The following NXPE2 variants were observed in gnomAD, a reference collection of about 807,000 sequenced individuals.
The protein encoded by NXPE2 is neurexophilin and PC-esterase domain family member 2, also known as NXPE family member 2.
Under a neutral mutation model 34.4 loss-of-function variants are expected in NXPE2, and 34 were observed. The ratio of observed to expected loss-of-function variants is 0.99; its 90% CI spans 0.75 to 1.31. NXPE2 has a LOEUF of 1.31. Among genes scored for constraint, NXPE2 ranks in the 40% most tolerant of loss-of-function variants. The probability of loss-of-function intolerance (pLI) is 0.00; values close to 1 mark genes in which losing one functional copy is unlikely to be tolerated. For synonymous variants in NXPE2, 235 were observed against 231.3 expected (o/e 1.02, Z -0.15); for missense variants, 649 against 672.5 (o/e 0.97, Z 0.39).
At chr11:114,498,613 A>G in the NXPE2 span, among the ~76,000 whole-genome samples, 1 of 152,142 alleles carries the variant, frequency 6.6e-6, no homozygotes, top group Non-Finnish European at 1.5e-5. Flanking sequence ...GGCTATCAAT[A>G]TGCAATAACT....
upstream of NXPE2, among the ~76,000 whole-genome samples, chr11:114,677,646 A>G (rs1950873452): frequency 6.6e-6 from 1 of 152,038 alleles, no homozygotes; most frequent in Non-Finnish European, 1.5e-5. Flanking sequence ...ATAGACATGG[A>G]GGGATATATG....
the NXPE2 span, among the ~76,000 whole-genome samples, chr11:114,551,794 G>A: frequency 6.6e-6 from 1 of 152,120 alleles, no homozygotes; most frequent in African/African-American, 2.4e-5. Context: ...CACTGTGTGA[G>A]GAAGGGGGAA....
the NXPE2 span, among the ~76,000 whole-genome samples, chr11:114,624,950 A>C: frequency 1.4e-5 from 2 of 138,022 alleles, no homozygotes; most frequent in Non-Finnish European, 3.1e-5. Flanking sequence ...TTGCCTCGTG[A>C]GTAACCACTG....
At chr11:114,791,530 A>G in the NXPE2 span, among the ~76,000 whole-genome samples, 14 of 152,322 alleles carry the variant, frequency 9.2e-5, no homozygotes, top group Non-Finnish European at 1.5e-4. Flanking sequence ...TGCCCTTTCA[A>G]GATATCAGTG....
chr11:114,593,072 A>G, the NXPE2 span, among the ~76,000 whole-genome samples: 1 of 152,146 alleles, frequency 6.6e-6, no homozygotes, highest in African/African-American at 2.4e-5. Context: ...GTATGAAAAT[A>G]CTAGAAGAAA....
chr11:114,769,187 A>G, the NXPE2 span, among the ~76,000 whole-genome samples: 1 of 152,084 alleles, frequency 6.6e-6, no homozygotes, highest in African/African-American at 2.4e-5. Flanking sequence ...CATTTATGTG[A>G]CCAACAAACA....
chr11:114,610,517 A>G, the NXPE2 span, among the ~76,000 whole-genome samples: 1 of 151,734 alleles, frequency 6.6e-6, no homozygotes, highest in Non-Finnish European at 1.5e-5. Context: ...CCTCATGTGT[A>G]ACCACTGTTA....
the NXPE2 span, among the ~76,000 whole-genome samples, chr11:114,625,828 C>A: frequency 6.6e-6 from 1 of 152,080 alleles, no homozygotes; most frequent in Non-Finnish European, 1.5e-5. Flanking sequence ...ACACCACGTG[C>A]AAGCTGAAGC....
chr11:114,626,335 G>A, the NXPE2 span, among the ~76,000 whole-genome samples: 4 of 152,312 alleles, frequency 2.6e-5, no homozygotes, highest in African/African-American at 9.6e-5. Flanking sequence ...ATCTGAGAAT[G>A]GGCAGACTGC....
chr11:114,634,037 C>T, the NXPE2 span, among the ~76,000 whole-genome samples: 2 of 151,886 alleles, frequency 1.3e-5, no homozygotes, highest in Non-Finnish European at 2.9e-5. Context: ...GGATTCGCCA[C>T]ACTGACTTCC....
At chr11:114,667,451 T>G in the NXPE2 span, among the ~76,000 whole-genome samples, 3 of 152,064 alleles carry the variant, frequency 2.0e-5, no homozygotes, top group African/African-American at 4.8e-5. Flanking sequence ...TGTCCATAAA[T>G]TCTTTGATAC....
the NXPE2 span, among the ~76,000 whole-genome samples, chr11:114,668,254 G>A: frequency 6.6e-6 from 1 of 152,020 alleles, no homozygotes; most frequent in East Asian, 1.9e-4. Context: ...AGGTACACTA[G>A]AGGGAGACTT....
the NXPE2 span, among the ~76,000 whole-genome samples, chr11:114,562,907 T>C: frequency 6.6e-6 from 1 of 152,202 alleles, no homozygotes; most frequent in South Asian, 2.1e-4. Context: ...GCTTAAGCCA[T>C]ACATGGTCGT....
chr11:114,635,179 C>G, the NXPE2 span, among the ~76,000 whole-genome samples: 5 of 150,250 alleles, frequency 3.3e-5, no homozygotes, highest in Non-Finnish European at 7.4e-5. Flanking sequence ...AGTTCCTTCA[C>G]GTCCCTTGTA....
At chr11:114,623,714 A>G in the NXPE2 span, among the ~76,000 whole-genome samples, 7 of 152,158 alleles carry the variant, frequency 4.6e-5, no homozygotes, top group South Asian at 2.1e-4. Context: ...TACCCGATGG[A>G]TAATAAGTAT....
the NXPE2 span, among the ~76,000 whole-genome samples, chr11:114,744,338 C>A: frequency 3.9e-5 from 6 of 152,264 alleles, no homozygotes; most frequent in South Asian, 2.1e-4. Context: ...TAAACATAAC[C>A]TCTGACACCT....
the NXPE2 span, chr11:114,571,265 G>A: frequency 1.2e-6 from 2 of 1,613,896 alleles, no homozygotes; most frequent in Admixed American, 3.3e-5. Context: ...TGAAATGCTG[G>A]CCCAGGGAAA....
the NXPE2 span, among the ~76,000 whole-genome samples, chr11:114,757,659 G>C: frequency 5.9e-5 from 9 of 152,184 alleles, no homozygotes; most frequent in Non-Finnish European, 1.2e-4. Context: ...AACCAAAGGA[G>C]AAATATGCAG....
the NXPE2 span, among the ~76,000 whole-genome samples, chr11:114,554,686 G>A: frequency 1.3e-5 from 2 of 152,172 alleles, no homozygotes; most frequent in African/African-American, 2.4e-5. Flanking sequence ...TTTATTAACA[G>A]TACTGTGATA....
Sources: allele counts gnomAD v4.1 joint callset (sites outside exome capture counted in the v4.1 genomes callset), GRCh38; gene constraint gnomAD v4.1.1; transcripts MANE v1.5; gene names NCBI Gene and HGNC (gene_info 2026-07-23, HGNC 2026-07-21).